PLCB4: variants seen among roughly 807,000 people sequenced by gnomAD.
PLCB4 encodes 1-phosphatidylinositol 4,5-bisphosphate phosphodiesterase beta-4.
Under a neutral mutation model 178.8 loss-of-function variants are expected in PLCB4, and 77 were observed. The ratio of observed to expected loss-of-function variants is 0.43; its 90% confidence interval spans 0.36 to 0.52. The LOEUF (loss-of-function observed/expected upper bound fraction) is 0.52. Among genes scored for constraint, PLCB4 ranks in the 20% least tolerant of loss-of-function variants. The pLI is 0.00. For missense variants in PLCB4, 1,024 were observed against 1,453.4 expected, an observed-to-expected ratio of 0.70 and a Z score of 4.80; for synonymous variants, 496 against 490.8, an observed-to-expected ratio of 1.01 and a Z score of -0.14.
intron 2 of PLCB4, among the ~76,000 whole-genome samples, chr20:9,203,565 T>C (rs2093577010): frequency 6.6e-6 from 1 of 152,146 alleles, no homozygotes; most frequent in African/African-American, 2.4e-5. Context: ...AGGAATGTAA[T>C]TGAGTACTCA....
At position 9,306,973 on chromosome 20, in the gene PLCB4, G is replaced by A. The variant is rs776565945; in HGVS notation, c.-15-827G>A. 3.3e-5 allele frequency among the ~76,000 whole-genome samples: 5 copies of A among 152,230 alleles called. No individual in the cohort carries two copies. The South Asian group carries it at 6.2e-4, about 19-fold the overall frequency. Reference sequence around the variant, plus strand: ...CAAGCTCACAGGCAATTTAAATGGCGAGTAAGACAGGGTTTCATTGGGTAA... The same window carrying A: ...CAAGCTCACAGGCAATTTAAATGGCAAGTAAGACAGGGTTTCATTGGGTAA... On this transcript the variant is annotated intron_variant, in intron 3 of 39. Transcript: ENST00000378473.
chr20:9,154,915 CCT>C (rs2092759767), intron 2 of PLCB4, among the ~76,000 whole-genome samples: 49 of 118,356 alleles, frequency 4.1e-4, no homozygotes, highest in Non-Finnish European at 6.3e-4. Flanking sequence ...CTCCTTCCTT[CCT>C]TCCTTCCTTC....
chr20:9,087,570 A>G (rs1234937714), intron 1 of PLCB4, among the ~76,000 whole-genome samples: 2 of 151,840 alleles, frequency 1.3e-5, no homozygotes, highest in African/African-American at 4.8e-5. Flanking sequence ...CCCTTTTTTC[A>G]TTCTTAGGCT....
intron 39 of PLCB4, among the ~76,000 whole-genome samples, chr20:9,478,024 T>C (rs931725339): frequency 6.6e-5 from 10 of 152,150 alleles, no homozygotes; most frequent in Non-Finnish European, 1.2e-4. Context: ...CAAAGCAGCA[T>C]GTCACTAAAA....
intron 4 of PLCB4, among the ~76,000 whole-genome samples, chr20:9,336,052 A>T (rs926519831): frequency 6.6e-6 from 1 of 152,214 alleles, no homozygotes; most frequent in Non-Finnish European, 1.5e-5. Flanking sequence ...AACGGCCCTT[A>T]AAACCTTAAT....
intron 3 of PLCB4, among the ~76,000 whole-genome samples, chr20:9,295,656 A>G (rs1013481066): frequency 3.3e-5 from 5 of 152,272 alleles, no homozygotes; most frequent in South Asian, 2.1e-4. Context: ...CAGTTTTCCC[A>G]GCACCATTTA....
At chr20:9,420,407 G>A (rs2040548148) in intron 26 of PLCB4, among the ~76,000 whole-genome samples, 2 of 151,612 alleles carry the variant, frequency 1.3e-5, no homozygotes, top group Admixed American at 6.6e-5. Context: ...GCACAATCTC[G>A]GCTCACTGCA....
rs1399524475 is a variant in PLCB4, at chr20:9,217,386, T to C, written c.-78-4T>C. 6.6e-6 allele frequency: 1 copy of C among 152,216 alleles called. No homozygotes were observed. Among genetic ancestry groups the C allele is most frequent in the Non-Finnish European group, 1.5e-5 (1 of 68,042 alleles). 9.4% of individuals were successfully genotyped at this position (152,216 alleles called of 1,614,324 possible). A position where few individuals can be genotyped will look rare whatever the true frequency, so the allele number is the denominator to read the frequency against. On this transcript the variant is annotated splice_region_variant and splice_polypyrimidine_tract_variant and intron_variant, in intron 2 of 39. Coordinates refer to ENST00000378473, the MANE Select transcript of PLCB4 (RefSeq NM_001377142.1). Reference sequence around the variant, plus strand: ...TCGATTTGTCTTGTCTGTGTCTGTTTCAGAGGACAGTGCTGCTGTGAGTTT... The same window carrying C: ...TCGATTTGTCTTGTCTGTGTCTGTTCCAGAGGACAGTGCTGCTGTGAGTTT...
chr20:9,326,185 T>G (rs1461619996), intron 4 of PLCB4, among the ~76,000 whole-genome samples: 1 of 152,202 alleles, frequency 6.6e-6, no homozygotes, highest in African/African-American at 2.4e-5. Context: ...AGGACCTTGG[T>G]AAGCACCATC....
intron 2 of PLCB4, among the ~76,000 whole-genome samples, chr20:9,148,764 T>A (rs1434675423): frequency 6.6e-6 from 1 of 152,230 alleles, no homozygotes; most frequent in Non-Finnish European, 1.5e-5. Context: ...CATTTAGCAC[T>A]GTCAAAGTAG....
intron 18 of PLCB4, among the ~76,000 whole-genome samples, chr20:9,394,100 T>C (rs1275153806): frequency 6.6e-6 from 1 of 152,188 alleles, no homozygotes. Flanking sequence ...TATATGTGAA[T>C]AGAGAGATCT....
chr20:9,286,406 G>A (rs540382142), intron 3 of PLCB4, among the ~76,000 whole-genome samples: 1 of 152,096 alleles, frequency 6.6e-6, no homozygotes, highest in African/African-American at 2.4e-5. Flanking sequence ...ATTTAGGTTT[G>A]GAAGGTAATA....
At chr20:9,346,066 ACAG>A (rs1481670019) in intron 7 of PLCB4, among the ~76,000 whole-genome samples, 1 of 152,314 alleles carries the variant, frequency 6.6e-6, no homozygotes, top group East Asian at 1.9e-4. Context: ...ATATTTAACC[ACAG>A]CATTACCCCA....
chr20:9,163,988 A>G lies in PLCB4; in HGVS notation c.-78-53402A>G, dbSNP rs977732381. On this transcript the variant is annotated intron_variant, in intron 2 of 39. Coordinates refer to ENST00000378473, the MANE Select transcript of PLCB4 (RefSeq NM_001377142.1). ...AACTATTTTGCGTGAGTCATCCAAAAAAGTGATTATAGGCAAACTTAAAAG... is the reference window on the plus strand; with the variant it reads ...AACTATTTTGCGTGAGTCATCCAAAGAAGTGATTATAGGCAAACTTAAAAG... 1.4e-4 allele frequency among the ~76,000 whole-genome samples: 21 copies of G among 152,348 alleles called. No individual in the cohort carries two copies. The South Asian group carries it at 2.5e-3, about 18-fold the overall frequency.
At chr20:9,357,916 C>T (rs1010919756) in intron 7 of PLCB4, among the ~76,000 whole-genome samples, 2 of 152,216 alleles carry the variant, frequency 1.3e-5, no homozygotes. Flanking sequence ...GGGGGCTGCT[C>T]TTTTAGACCT....
At chr20:9,107,934 C>A (rs1475395625) in intron 2 of PLCB4, among the ~76,000 whole-genome samples, 1 of 151,984 alleles carries the variant, frequency 6.6e-6, no homozygotes, top group Non-Finnish European at 1.5e-5. Flanking sequence ...GATTCTCGAT[C>A]TCTTTTGAAG....
intron 13 of PLCB4, among the ~76,000 whole-genome samples, chr20:9,380,889 G>A (rs996276280): frequency 2.6e-4 from 40 of 152,158 alleles, no homozygotes; most frequent in African/African-American, 7.7e-4. Context: ...CATAGGTCCC[G>A]TATGTCCGTG....
intron 13 of PLCB4, among the ~76,000 whole-genome samples, chr20:9,383,530 G>A (rs2037325429): frequency 6.6e-6 from 1 of 152,148 alleles, no homozygotes; most frequent in African/African-American, 2.4e-5. Flanking sequence ...TAGTTACCAC[G>A]TGGGCTCTAC....
chr20:9,080,109 T>G (rs2090075068), intron 1 of PLCB4, among the ~76,000 whole-genome samples: 1 of 152,228 alleles, frequency 6.6e-6, no homozygotes, highest in African/African-American at 2.4e-5. Context: ...GTAATTTTCC[T>G]TCAAGGAAGT....
Sources: gnomAD v4.1 joint callset for allele counts (sites outside exome capture counted in the v4.1 genomes callset) on GRCh38, gnomAD v4.1.1 for gene constraint, MANE v1.5 for transcripts, NCBI Gene and HGNC (gene_info 2026-07-23, HGNC 2026-07-21) for gene names.